Variants in FBN1 observed in about 807,000 individuals in gnomAD.
FBN1 encodes fibrillin 1, also known as fibrillin-1.
FBN1 carries 29 observed loss-of-function variants against 365.1 expected under a neutral mutation model. The ratio of observed to expected loss-of-function variants is 0.08; its 90% CI spans 0.06 to 0.11. The LOEUF (loss-of-function observed/expected upper bound fraction) is 0.11, where lower values mean the gene tolerates loss of function less well. Ranked by LOEUF, FBN1 falls within the 10% of genes least tolerant of loss-of-function variation. FBN1 has a pLI of 1.00. For missense variants in FBN1, 2,476 were observed against 3,703.2 expected (o/e 0.67, Z 8.60); for synonymous variants, 1,210 against 1,270.5 (o/e 0.95, Z 1.01).
At chr15:48,420,910 C>T in intron 62 of FBN1, 104 bp from the exon 63 acceptor site, 1 of 1,337,866 alleles carries the variant, frequency 7.5e-7, no homozygotes. Flanking sequence ...ACACATTATT[C>T]TACCACCAAA....
At chr15:48,505,794 G>A (rs968555551) in intron 15 of FBN1, among the ~76,000 whole-genome samples, 12 of 152,208 alleles carry the variant, frequency 7.9e-5, no homozygotes, top group African/African-American at 1.2e-4. Flanking sequence ...TATTTTATGT[G>A]TATACTTAAG....
chr15:48,491,898 A>AG (rs2043562403), intron 24 of FBN1, among the ~76,000 whole-genome samples: 1 of 152,210 alleles, frequency 6.6e-6, no homozygotes. Flanking sequence ...CTTAGGACTT[A>AG]GAGTTCTAAG....
intron 63 of FBN1, among the ~76,000 whole-genome samples, chr15:48,420,127 T>C (rs2042928682): frequency 6.6e-6 from 1 of 151,978 alleles, no homozygotes; most frequent in Non-Finnish European, 1.5e-5. Flanking sequence ...AAAGATGACA[T>C]CATTTCAATT....
At chr15:48,568,055 A>AGAAAGAAAGAAGAAG (rs2044273674) in intron 6 of FBN1, among the ~76,000 whole-genome samples, 1 of 144,940 alleles carries the variant, frequency 6.9e-6, no homozygotes, top group Non-Finnish European at 1.5e-5. Flanking sequence ...GAAAGAAGAA[A>AGAAAGAAAGAAGAAG]GAAAGAAAGA....
chr15:48,560,385 C>T (rs1303793598), intron 6 of FBN1, among the ~76,000 whole-genome samples: 1 of 152,102 alleles, frequency 6.6e-6, no homozygotes, highest in Non-Finnish European at 1.5e-5. Context: ...TAATACCTGC[C>T]TCAGAGGATG....
In FBN1 at chr15:48,527,961, C is replaced by A. The variant is rs557909174; in HGVS notation, c.863-1706G>T. ...GTAATATCTCAAGGCAGCCACACTT[C>A]TACTTAACACAAACAAAAAGCAAGT... On this transcript the variant is annotated intron_variant, in intron 8 of 65. Coordinates refer to ENST00000316623, the MANE Select transcript of FBN1 (RefSeq NM_000138.5). Among the ~76,000 whole-genome samples, 3 of 152,342 alleles carry A rather than the reference C, an allele frequency of 2.0e-5. No homozygotes were observed. The East Asian group carries it at 5.8e-4, about 29-fold the overall frequency.
intron 2 of FBN1, among the ~76,000 whole-genome samples, chr15:48,620,278 T>C (rs568026448): frequency 5.1e-4 from 78 of 152,286 alleles, no homozygotes; most frequent in African/African-American, 1.8e-3. Flanking sequence ...TTACACATCA[T>C]TGAGGGTTTG....
At chr15:48,459,312 T>C (rs1005913282) in intron 43 of FBN1, among the ~76,000 whole-genome samples, 1 of 152,218 alleles carries the variant, frequency 6.6e-6, no homozygotes, top group Non-Finnish European at 1.5e-5. Context: ...AGGTGTTCCA[T>C]GCCAATGTCA....
intron 15 of FBN1, 50 bp from the exon 16 acceptor site, chr15:48,505,197 AT>A: frequency 6.2e-7 from 1 of 1,610,366 alleles, no homozygotes; most frequent in Non-Finnish European, 8.5e-7. Context: ...TTTATCTAAA[AT>A]TATAACATGT....
intron 2 of FBN1, among the ~76,000 whole-genome samples, chr15:48,626,414 A>T (rs998022169): frequency 1.3e-5 from 2 of 152,236 alleles, no homozygotes; most frequent in African/African-American, 4.8e-5. Flanking sequence ...AAATTCTTCC[A>T]TGTTTCAGTT....
At chr15:48,455,415 C>G (rs1022096366) in intron 44 of FBN1, among the ~76,000 whole-genome samples, 6 of 152,270 alleles carry the variant, frequency 3.9e-5, no homozygotes, top group Admixed American at 1.3e-4. Context: ...GTACAGTCAT[C>G]ATCAAAGCCA....
At position 48,495,172 on chromosome 15, in the gene FBN1, G is replaced by A. The variant is rs112085967; in HGVS notation, c.2628C>T (p.Cys876=). The change falls in exon 22 of 66, where the codon TGC becomes TGT. Residue 876 remains cysteine (C), a synonymous_variant. Transcript: ENST00000316623. ...INGATLKSQC[C]SSLGAAWGSP... is the part of the protein sequence containing the mutation. ...TTCCCCACGCAGCACCGAGGGAGGA[G>A]CAGCACTGGGACTTTAAGGTGGCTC... is the stretch of plus-strand genomic sequence containing the variant. 49 of 1,614,068 alleles carry A rather than the reference G, an allele frequency of 3.0e-5. No individual in the cohort carries two copies. Among genetic ancestry groups the A allele is most frequent in the Non-Finnish European group, 3.9e-5 (46 of 1,180,046 alleles).
At chr15:48,560,163 C>T (rs768746221) in intron 6 of FBN1, among the ~76,000 whole-genome samples, 5 of 152,106 alleles carry the variant, frequency 3.3e-5, no homozygotes, top group African/African-American at 4.8e-5. Context: ...AACCACGCTA[C>T]GTGTACTCTT....
chr15:48,533,027 T>G (rs1230518575), intron 8 of FBN1, among the ~76,000 whole-genome samples: 1 of 152,218 alleles, frequency 6.6e-6, no homozygotes, highest in Non-Finnish European at 1.5e-5. Context: ...ATATTAAATG[T>G]CTTACATGTA....
chr15:48,615,356 A>G (rs144501519), intron 2 of FBN1, among the ~76,000 whole-genome samples: 24 of 152,308 alleles, frequency 1.6e-4, no homozygotes, highest in African/African-American at 5.3e-4. Flanking sequence ...AAAAATATGT[A>G]TGTCATAACA....
chr15:48,568,161 C>G (rs1195000419), intron 6 of FBN1, among the ~76,000 whole-genome samples: 1 of 133,840 alleles, frequency 7.5e-6, no homozygotes, highest in African/African-American at 2.7e-5. Flanking sequence ...AAAAAAAAGT[C>G]CAGAAAAGTC....
chr15:48,548,497 A>T (rs2044114312), intron 6 of FBN1, among the ~76,000 whole-genome samples: 1 of 152,182 alleles, frequency 6.6e-6, no homozygotes, highest in South Asian at 2.1e-4. Context: ...TGCCTTAGAA[A>T]CTTCCATTCT....
At chr15:48,429,987 T>C (rs998578254) in intron 56 of FBN1, among the ~76,000 whole-genome samples, 1 of 152,258 alleles carries the variant, frequency 6.6e-6, no homozygotes, top group African/African-American at 2.4e-5. Flanking sequence ...TTGTGGGTCA[T>C]ATGGTCTCAG....
intron 6 of FBN1, among the ~76,000 whole-genome samples, chr15:48,578,313 G>A (rs12591273): frequency 0.049 from 7,490 of 152,220 alleles, 270 homozygotes; most frequent in East Asian, 0.16. Flanking sequence ...ATGACTGAAT[G>A]TTAGGGATGA....
Sources: allele counts gnomAD v4.1 joint callset (sites outside exome capture counted in the v4.1 genomes callset), GRCh38; gene constraint gnomAD v4.1.1; transcripts MANE v1.5; gene names NCBI Gene and HGNC (gene_info 2026-07-23, HGNC 2026-07-21).